MYLK: variants seen among roughly 807,000 people sequenced by gnomAD.
The protein encoded by MYLK is myosin light chain kinase.
Under a neutral mutation model 203.4 loss-of-function variants are expected in MYLK, and 106 were observed. The observed-to-expected ratio is 0.52, with a 90% confidence interval of 0.45 to 0.61. The LOEUF is 0.61. Ranked by LOEUF, MYLK falls within the 20% of genes least tolerant of loss-of-function variation. The pLI, the probability that MYLK is intolerant of heterozygous loss-of-function variation, is 0.00. For synonymous variants in MYLK, 867 were observed against 959.5 expected, an observed-to-expected ratio of 0.90 and a Z score of 1.78; for missense variants, 2,072 against 2,442.3, an observed-to-expected ratio of 0.85 and a Z score of 3.20.
intron 3 of MYLK, among the ~76,000 whole-genome samples, chr3:123,806,688 G>A (rs908203485): frequency 1.3e-5 from 2 of 152,070 alleles, no homozygotes; most frequent in African/African-American, 4.8e-5. Context: ...TTGAGATGGA[G>A]TCTTGCTCTT....
chr3:123,768,580 G>A (rs2063777995), intron 4 of MYLK, among the ~76,000 whole-genome samples: 1 of 152,222 alleles, frequency 6.6e-6, no homozygotes, highest in Admixed American at 6.5e-5. Flanking sequence ...TACACCTAGA[G>A]ATTAGGTACT....
At position 123,821,725 on chromosome 3, in the gene MYLK, C is replaced by T. The variant is rs563344582; in HGVS notation, c.-4+9823G>A. 2.0e-4 allele frequency among the ~76,000 whole-genome samples: 30 copies of T among 152,298 alleles called. 1 individual carries two copies. The South Asian group carries it at 5.8e-3, about 29-fold the overall frequency. The stretch of plus-strand genomic sequence containing the variant: ...TATGCTTTCCTATGATACTATGGGT[C>T]GTCTGCTTTCATTATGTTTATGTAA... On this transcript the variant is annotated intron_variant, in intron 3 of 33. Coordinates refer to ENST00000360304, the MANE Select transcript of MYLK (RefSeq NM_053025.4).
At chr3:123,775,386 T>C (rs145644743) in intron 4 of MYLK, among the ~76,000 whole-genome samples, 22 of 152,338 alleles carry the variant, frequency 1.4e-4, no homozygotes, top group Non-Finnish European at 2.8e-4. Flanking sequence ...AGTGTGTGCA[T>C]GCACATACAT....
At chr3:123,757,751 C>T (rs780572520) in intron 4 of MYLK, among the ~76,000 whole-genome samples, 7 of 152,088 alleles carry the variant, frequency 4.6e-5, no homozygotes, top group Non-Finnish European at 1.0e-4. Flanking sequence ...GAGGAGGGGA[C>T]ATTAAGGAAT....
intron 24 of MYLK, among the ~76,000 whole-genome samples, chr3:123,654,527 C>T (rs1033518678): frequency 6.6e-6 from 1 of 152,048 alleles, no homozygotes; most frequent in African/African-American, 2.4e-5. Flanking sequence ...AATACATTCT[C>T]ACCTACTGAT....
chr3:123,817,803 C>A (rs936663870), intron 3 of MYLK, among the ~76,000 whole-genome samples: 13 of 152,094 alleles, frequency 8.5e-5, no homozygotes, highest in Non-Finnish European at 1.9e-4. Flanking sequence ...TTAGGGTGGT[C>A]CTGGATTCTC....
chr3:123,702,228 A>G (rs2061265737), intron 16 of MYLK, among the ~76,000 whole-genome samples: 1 of 151,976 alleles, frequency 6.6e-6, no homozygotes, highest in African/African-American at 2.4e-5. Context: ...TTTGCAGCAG[A>G]TTGTCCCTCC....
Position 123,876,601 on chromosome 3 carries a change from A to AT in MYLK, c.-170dup, listed in dbSNP as rs2033167844. 1 of 152,142 alleles carries AT rather than the reference A, an allele frequency of 6.6e-6. No homozygotes were observed. The highest frequency in any genetic ancestry group is 1.5e-5 in the Non-Finnish European group (1 of 68,020). 9.4% of individuals were successfully genotyped at this position (152,142 alleles called of 1,614,324 possible). On this transcript the variant is annotated 5_prime_UTR_variant, in exon 2 of 34. Transcript: ENST00000360304. ...AGCTGGCCCGAATTGGTTTCTGTTA[A>AT]TTTTGAAGAATCCTTCCTAATACAC... is the stretch of plus-strand genomic sequence containing the variant.
At position 123,793,667 on chromosome 3, in the gene MYLK, C is replaced by T. The variant is rs746402430; in HGVS notation, c.165+10G>A. The T allele has an allele frequency of 3.1e-6, 5 of 1,613,942 alleles. No individual in the cohort carries two copies. The African/African-American group carries it at 4.0e-5, about 13-fold the overall frequency. On this transcript the variant is annotated intron_variant, in intron 4 of 33. Coordinates refer to ENST00000360304, the MANE Select transcript of MYLK (RefSeq NM_053025.4). ...TCCCCACAGCCTCCCCATCCAGCCA[C>T]ACTTCTTACCCGCCCTTCGAACTTG...
chr3:123,839,673 A>G (rs1452340635), intron 2 of MYLK, among the ~76,000 whole-genome samples: 1 of 152,214 alleles, frequency 6.6e-6, no homozygotes, highest in Non-Finnish European at 1.5e-5. Context: ...ATAAGTAAGA[A>G]TTTAGAAAGG....
rs1457974068 is a variant in MYLK, at chr3:123,612,676, GATAAC to G, written c.*1424_*1428del. On this transcript the variant is annotated 3_prime_UTR_variant, in exon 34 of 34. Coordinates refer to ENST00000360304, the MANE Select transcript of MYLK (RefSeq NM_053025.4). ...AAAAGCAGATAAAAATAGAATGGAA[GATAAC>G]ATAAGACTAATATCAAAATTCTAAT... 3 of 152,580 alleles carry G rather than the reference GATAAC, an allele frequency of 2.0e-5. No individual in the cohort carries two copies. Among genetic ancestry groups the G allele is most frequent in the African/African-American group, 7.2e-5 (3 of 41,430 alleles). The allele number at this position is 152,580 out of a possible 1,614,324, so 9.5% of individuals were successfully genotyped here.
Position 123,700,828 on chromosome 3 carries a change from C to T in MYLK, c.2640G>A (p.Arg880=). 1.2e-6 allele frequency: 2 copies of T among 1,614,156 alleles called. No individual in the cohort carries two copies. Among genetic ancestry groups the T allele is most frequent in the Non-Finnish European group, 1.7e-6 (2 of 1,180,038 alleles). ...RGVLKRRVET[R]QHTEEAIRQQ... is the part of the protein sequence containing the mutation. ...GGCGGATCGCCTCCTCAGTGTGCTG[C>T]CTCGTCTCCACGCGCCTCTTCAGCA... The change falls in exon 18 of 34, where the codon AGG becomes AGA. Residue 880 remains arginine, a synonymous_variant. Transcript: ENST00000360304.
rs1486793867 is a variant in MYLK at position 123,708,816 on chromosome 3, T to C, written c.2022A>G (p.Arg674=). Residue 674 remains arginine (R), a synonymous_variant, in exon 15 of 34, where the codon AGA becomes AGG. Coordinates refer to ENST00000360304, the MANE Select transcript of MYLK (RefSeq NM_053025.4). ...QESEDFHFEQ[R]GTQHSLCIQE... ...GGATACAAAGGCTGTGCTGAGTTCC[T>C]CTCTGTTCAAAGTGGAAGTCCTCTG... is the stretch of plus-strand genomic sequence containing the variant. 1 of 1,614,154 alleles carries C rather than the reference T, an allele frequency of 6.2e-7. No homozygotes were observed. The highest frequency in any genetic ancestry group is 2.2e-5 in the East Asian group (1 of 44,872).
chr3:123,714,496 G>A (rs1227117521), intron 13 of MYLK, among the ~76,000 whole-genome samples: 1 of 152,162 alleles, frequency 6.6e-6, no homozygotes, highest in Non-Finnish European at 1.5e-5. Flanking sequence ...GTCTCAGAGA[G>A]CCCAAGACTT....
rs932444953 is a variant in MYLK at position 123,640,741 on chromosome 3, C to T, written c.4620-237G>A. On this transcript the variant is annotated intron_variant, in intron 27 of 33. Coordinates refer to ENST00000360304, the MANE Select transcript of MYLK (RefSeq NM_053025.4). The surrounding 1 kb of genome is among the most constrained non-coding windows in gnomAD (Gnocchi z 4.3). The stretch of plus-strand genomic sequence containing the variant: ...CTAAGCTGCTGGGGACTCAGGGAAG[C>T]ATCTACACTAGGCAGTTTCAGAGGT... Among the ~76,000 whole-genome samples, 4 of 151,288 alleles carry T rather than the reference C, an allele frequency of 2.6e-5. No individual in the cohort carries two copies. Among genetic ancestry groups the T allele is most frequent in the African/African-American group, 9.7e-5 (4 of 41,040 alleles).
At chr3:123,652,773 T>A (rs1345026958) in intron 24 of MYLK, among the ~76,000 whole-genome samples, 1 of 152,150 alleles carries the variant, frequency 6.6e-6, no homozygotes. Flanking sequence ...GGAGTACAGT[T>A]CAAGACCTGG....
chr3:123,880,149 G>A (rs2033434627), intron 1 of MYLK, among the ~76,000 whole-genome samples: 1 of 152,130 alleles, frequency 6.6e-6, no homozygotes, highest in Admixed American at 6.5e-5. Flanking sequence ...CTCATTGTCA[G>A]ATGACAAAAC....
At chr3:123,641,187 T>C (rs932388842) in intron 27 of MYLK, among the ~76,000 whole-genome samples, 5 of 152,204 alleles carry the variant, frequency 3.3e-5, no homozygotes, top group African/African-American at 1.2e-4. Context: ...CTATTTCTAG[T>C]GAACTTTGCT....
intron 2 of MYLK, among the ~76,000 whole-genome samples, chr3:123,862,033 G>T (rs767262913): frequency 2.0e-5 from 3 of 152,202 alleles, no homozygotes; most frequent in Non-Finnish European, 4.4e-5. Context: ...CTCCAGGCCC[G>T]TGGGGGCTCC....
Sources: allele counts gnomAD v4.1 joint callset (sites outside exome capture counted in the v4.1 genomes callset), GRCh38; gene constraint gnomAD v4.1.1; non-coding constraint Gnocchi (gnomAD v3.1); transcripts MANE v1.5; gene names NCBI Gene and HGNC (gene_info 2026-07-23, HGNC 2026-07-21).